Variants in RHAG observed in about 807,000 individuals in gnomAD.
The protein encoded by RHAG is Rh associated glycoprotein.
Under a neutral mutation model 42.4 loss-of-function variants are expected in RHAG, and 25 were observed. The observed-to-expected ratio is 0.59, with a 90% confidence interval of 0.43 to 0.82. The LOEUF (loss-of-function observed/expected upper bound fraction) is 0.82. RHAG is among the 40% of genes least tolerant of loss of function. The pLI, the probability that RHAG is intolerant of heterozygous loss-of-function variation, is 0.00. For synonymous variants in RHAG, 182 were observed against 177.7 expected, an observed-to-expected ratio of 1.02 and a Z score of -0.19; for missense variants, 483 against 504.6, an observed-to-expected ratio of 0.96 and a Z score of 0.41.
At chr6:49,630,064 C>T (rs1257466630) in intron 1 of RHAG, among the ~76,000 whole-genome samples, 2 of 152,194 alleles carry the variant, frequency 1.3e-5, no homozygotes, top group African/African-American at 4.8e-5. Flanking sequence ...GAGGAGGCGC[C>T]GAGAGCGAGC....
chr6:49,630,297 G>T (rs1762915418), intron 1 of RHAG, among the ~76,000 whole-genome samples: 1 of 152,230 alleles, frequency 6.6e-6, no homozygotes, highest in Non-Finnish European at 1.5e-5. Flanking sequence ...AACACTGCCA[G>T]TTAGACACTT....
chr6:49,612,618 C>T (rs1038342529), intron 5 of RHAG, 84 bp from the exon 6 acceptor site: 4 of 1,501,284 alleles, frequency 2.7e-6, no homozygotes, highest in Admixed American at 1.7e-5. Context: ...GTTCAAGAGA[C>T]CCACATCACA....
chr6:49,615,563 G>A, intron 4 of RHAG, 61 bp downstream of exon 4: 1 of 1,587,108 alleles, frequency 6.3e-7, no homozygotes, highest in Non-Finnish European at 8.6e-7. Flanking sequence ...CCTTGTTGAA[G>A]TTAACCTTCT....
At position 49,612,590 on chromosome 6, in the gene RHAG, G is replaced by A. The variant is rs540968944; in HGVS notation, c.808-56C>T. 5.0e-6 allele frequency: 8 copies of A among 1,601,800 alleles called. No individual in the cohort carries two copies. The African/African-American group carries it at 5.3e-5, about 11-fold the overall frequency. ...GAGCTGGATGATGGAGAATTCAGAA[G>A]GATCAGAGGATTCTAGAGTTCAAGA... On this transcript the variant is annotated intron_variant, in intron 5 of 9. Transcript: ENST00000371175.
chr6:49,615,106 T>C, intron 4 of RHAG: 1 of 427,866 alleles, frequency 2.3e-6, no homozygotes, highest in Non-Finnish European at 4.2e-6. Context: ...GGCTACCATG[T>C]CCACCTAACT....
chr6:49,633,600 TTAATTGTGAA>T (rs972013168), intron 1 of RHAG, among the ~76,000 whole-genome samples: 1 of 152,120 alleles, frequency 6.6e-6, no homozygotes, highest in African/African-American at 2.4e-5. Context: ...GAGAGAACTT[TTAATTGTGAA>T]TAGACTGGGT....
intron 1 of RHAG, among the ~76,000 whole-genome samples, chr6:49,635,962 A>C (rs1023636325): frequency 1.3e-5 from 2 of 152,118 alleles, no homozygotes; most frequent in African/African-American, 4.8e-5. Flanking sequence ...GTTGGTTTAT[A>C]ATAAGGACGC....
intron 6 of RHAG, among the ~76,000 whole-genome samples, chr6:49,611,886 T>C (rs749339488): frequency 5.3e-5 from 8 of 151,706 alleles, no homozygotes; most frequent in Admixed American, 3.3e-4. Context: ...GGATTACAGG[T>C]ACCCGCCACC....
Position 49,606,828 on chromosome 6 carries a change from T to G in RHAG, c.1212+20A>C. On this transcript the variant is annotated intron_variant, in intron 9 of 9. Coordinates refer to ENST00000371175, the MANE Select transcript of RHAG (RefSeq NM_000324.3). ...AATGGAGTCATCGTTCACATTCTTGTTTAGAATACTGTACAGTACCTTCCA... is the reference window on the plus strand; with the variant it reads ...AATGGAGTCATCGTTCACATTCTTGGTTAGAATACTGTACAGTACCTTCCA... The G allele has an allele frequency of 6.6e-7, 1 of 1,522,156 alleles. No individual in the cohort carries two copies. The highest frequency in any genetic ancestry group is 1.4e-5 in the African/African-American group (1 of 73,228). 94.3% of individuals were successfully genotyped at this position (1,522,156 alleles called of 1,614,324 possible).
At chr6:49,635,518 A>G (rs182163294) in intron 1 of RHAG, among the ~76,000 whole-genome samples, 520 of 152,288 alleles carry the variant, frequency 3.4e-3, no homozygotes, top group African/African-American at 0.012. Context: ...ACATAGATGA[A>G]CAGAATTTTT....
chr6:49,617,179 T>C (rs1017779954), intron 3 of RHAG, among the ~76,000 whole-genome samples: 2 of 152,184 alleles, frequency 1.3e-5, no homozygotes, highest in African/African-American at 4.8e-5. Flanking sequence ...CTGGTTGTTG[T>C]TACCTTGGCT....
At chr6:49,607,250 T>C (rs1400280479) in intron 7 of RHAG, 30 bp from the exon 8 acceptor site, 1 of 1,584,060 alleles carries the variant, frequency 6.3e-7, no homozygotes. Context: ...AGAATCAGTG[T>C]CTTTCCTGGA....
At chr6:49,634,969 T>TGC (rs34202796) in intron 1 of RHAG, among the ~76,000 whole-genome samples, 12 of 87,696 alleles carry the variant, frequency 1.4e-4, no homozygotes, top group African/African-American at 6.2e-4. Flanking sequence ...TGTGTGTGTG[T>TGC]GTGTGTGTGT....
intron 1 of RHAG, chr6:49,632,114 T>C (rs377229759): frequency 4.3e-4 from 65 of 152,310 alleles, no homozygotes; most frequent in Admixed American, 1.6e-3. Context: ...TAGGATCGTA[T>C]TTGCCTTTTG....
chr6:49,614,582 T>G, intron 5 of RHAG, 105 bp downstream of exon 5: 1 of 938,672 alleles, frequency 1.1e-6, no homozygotes, highest in Non-Finnish European at 1.8e-6. Flanking sequence ...CTGCTTCTGA[T>G]TTGTCTTGAG....
intron 1 of RHAG, among the ~76,000 whole-genome samples, chr6:49,634,879 C>T (rs1762984583): frequency 6.6e-6 from 1 of 150,726 alleles, no homozygotes; most frequent in South Asian, 2.1e-4. Flanking sequence ...TATGCATATA[C>T]TTTGTGAAAT....
At chr6:49,629,648 T>TG (rs1036641764) in intron 1 of RHAG, among the ~76,000 whole-genome samples, 3 of 141,548 alleles carry the variant, frequency 2.1e-5, no homozygotes, top group African/African-American at 8.1e-5. Flanking sequence ...ATGGAGGGGG[T>TG]GGGGGGCTCA....
chr6:49,635,686 G>A (rs936795908), intron 1 of RHAG, among the ~76,000 whole-genome samples: 1 of 151,688 alleles, frequency 6.6e-6, no homozygotes, highest in Non-Finnish European at 1.5e-5. Flanking sequence ...TTTTTCCTAT[G>A]TCACTTAGCA....
intron 1 of RHAG, among the ~76,000 whole-genome samples, chr6:49,626,458 C>G (rs927250102): frequency 6.6e-6 from 1 of 152,212 alleles, no homozygotes; most frequent in African/African-American, 2.4e-5. Flanking sequence ...CCAGGTCACA[C>G]TGATGCAAGA....
Sources: gnomAD v4.1 joint callset for allele counts (sites outside exome capture counted in the v4.1 genomes callset) on GRCh38, gnomAD v4.1.1 for gene constraint, MANE v1.5 for transcripts, NCBI Gene and HGNC (gene_info 2026-07-23, HGNC 2026-07-21) for gene names.